ELAC2: variants seen among roughly 807,000 people sequenced by gnomAD.
The protein encoded by ELAC2 is elaC ribonuclease Z 2, also known as zinc phosphodiesterase ELAC protein 2.
A neutral mutation model predicts 105.2 loss-of-function variants in ELAC2; 92 were observed. That is an observed-to-expected ratio of 0.87 (90% CI 0.74 to 1.04). The LOEUF is 1.04. Among genes scored for constraint, ELAC2 ranks in the 50% least tolerant of loss-of-function variants. ELAC2 has a pLI of 0.00. For missense variants in ELAC2, 1,099 were observed against 1,071.7 expected (o/e 1.03, Z -0.36); for synonymous variants, 468 against 409.1 (o/e 1.14, Z -1.74).
Position 12,994,975 on chromosome 17 carries a change from A to G in ELAC2, c.1896T>C (p.Cys632=). The stretch of plus-strand genomic sequence containing the variant: ...CTGTGCCCCTTACCTCTTCCAAATC[A>G]CATGTTCGCAACAGCGAACTGATCA... ...ERLISSLLRT[C]DLEEFQTCLV... The change falls in exon 20 of 24, where the codon TGT becomes TGC. Residue 632 remains cysteine (C), a synonymous_variant. Transcript: ENST00000338034. 1.2e-6 allele frequency: 2 copies of G among 1,614,092 alleles called. No individual in the cohort carries two copies. The highest frequency in any genetic ancestry group is 1.7e-6 in the Non-Finnish European group (2 of 1,180,020).
rs1310688063 is a variant in ELAC2, at chr17:13,017,845, C to A, written c.103G>T (p.Asp35Tyr). The stretch of plus-strand genomic sequence containing the variant: ...CGCGTGCGCAGGTGCCGCAGCGGGT[C>A]CTTGCGCGGCCGCTCGCGGCGGGCG... ...APARRERPRK[D>Y]PLRHLRTREK... Residue 35 changes from aspartate (D) to tyrosine (Y), a missense_variant, in exon 1 of 24, where the codon GAC becomes TAC. Asp to Tyr is a radical substitution (Grantham distance 160). Coordinates refer to ENST00000338034, the MANE Select transcript of ELAC2 (RefSeq NM_018127.7). The A allele has an allele frequency of 6.4e-7, 1 of 1,574,096 alleles. No individual in the cohort carries two copies.
intron 8 of ELAC2, among the ~76,000 whole-genome samples, chr17:13,007,041 CG>C (rs1274490351): frequency 6.6e-6 from 1 of 150,532 alleles, no homozygotes; most frequent in African/African-American, 2.4e-5. Context: ...ACCCAGGAGG[CG>C]GAAGATTGCA....
At chr17:13,016,537 C>A (rs918956625) in intron 3 of ELAC2, among the ~76,000 whole-genome samples, 1 of 151,978 alleles carries the variant, frequency 6.6e-6, no homozygotes, top group Non-Finnish European at 1.5e-5. Flanking sequence ...GTAATCCCAG[C>A]ACTCTGGGAG....
chr17:13,008,447 G>A (rs1205280078), intron 8 of ELAC2, among the ~76,000 whole-genome samples: 3 of 152,090 alleles, frequency 2.0e-5, no homozygotes, highest in East Asian at 3.9e-4. Context: ...GGGAGGCAGA[G>A]GTTGCAGTGA....
chr17:13,017,978 G>C lies in ELAC2; in HGVS notation c.-31C>G. 2 of 1,534,454 alleles carry C rather than the reference G, an allele frequency of 1.3e-6. No homozygotes were observed. The highest frequency in any genetic ancestry group is 1.7e-6 in the Non-Finnish European group (2 of 1,146,570). The stretch of plus-strand genomic sequence containing the variant: ...CGTCTCCACCAAAACTGAGAAAGCC[G>C]CCGGTCACCTACGCCCGCGTTTCCC... On this transcript the variant is annotated 5_prime_UTR_variant, in exon 1 of 24. Transcript: ENST00000338034.
chr17:12,992,191 G>C lies in ELAC2; in HGVS notation c.*627C>G, dbSNP rs555568637. Among the ~76,000 whole-genome samples the C allele has an allele frequency of 6.6e-6, 1 of 152,084 alleles. No individual in the cohort carries two copies. Among genetic ancestry groups the C allele is most frequent in the South Asian group, 2.1e-4 (1 of 4,834 alleles). ...CCTGCTGTGAGCTGGCACAGCTCGAGTTGTCAAAAAGACTTGGCGAATAAG... is the reference window on the plus strand; with the variant it reads ...CCTGCTGTGAGCTGGCACAGCTCGACTTGTCAAAAAGACTTGGCGAATAAG... On this transcript the variant is annotated 3_prime_UTR_variant, in exon 24 of 24. Transcript: ENST00000338034.
chr17:12,998,469 G>T lies in ELAC2; in HGVS notation c.1463C>A (p.Thr488Lys). 6.2e-7 allele frequency: 1 copy of T among 1,614,206 alleles called. No homozygotes were observed. Reference protein sequence around the residue: ...SQYPEIIFLGTGSAIPMKIRN... With the variant: ...SQYPEIIFLGKGSAIPMKIRN... ...AATCTTCATCGGGATGGCAGACCCT[G>T]TTCCAAGGAAGATGATTTCTGGGTA... The change falls in exon 16 of 24, where the codon ACA becomes AAA. Residue 488 changes from threonine to lysine, a missense_variant. Coordinates refer to ENST00000338034, the MANE Select transcript of ELAC2 (RefSeq NM_018127.7).
rs567400150 is a variant in ELAC2 at position 13,002,194 on chromosome 17, G to C, written c.1304+80C>G. 4 of 1,478,038 alleles carry C rather than the reference G, an allele frequency of 2.7e-6. No individual in the cohort carries two copies. In the Admixed American group the frequency reaches 7.3e-5, roughly 27 times the overall value. The allele number at this position is 1,478,038 out of a possible 1,614,324, so 91.6% of individuals were successfully genotyped here. A position where few individuals can be genotyped will look rare whatever the true frequency, so the allele number is the denominator to read the frequency against. ...ACCATATGGTCTGGAGAGCCTCCTG[G>C]AACATTTACTATGTGGCTATTTACA... On this transcript the variant is annotated intron_variant, in intron 14 of 23. Coordinates refer to ENST00000338034, the MANE Select transcript of ELAC2 (RefSeq NM_018127.7).
At position 13,018,008 on chromosome 17, in the gene ELAC2, A is replaced by G; in HGVS notation, c.-61T>C. 1.3e-6 allele frequency: 2 copies of G among 1,533,090 alleles called. No homozygotes were observed. Among genetic ancestry groups the G allele is most frequent in the Non-Finnish European group, 1.7e-6 (2 of 1,146,360 alleles). The allele number at this position is 1,533,090 out of a possible 1,614,324, so 95.0% of individuals were successfully genotyped here. Reference sequence around the variant, plus strand: ...TCACCTACGCCCGCGTTTCCCGTGCACCACCTAGCCGCTCCGCATGGCGGA... The same window carrying G: ...TCACCTACGCCCGCGTTTCCCGTGCGCCACCTAGCCGCTCCGCATGGCGGA... On this transcript the variant is annotated 5_prime_UTR_variant, in exon 1 of 24. Transcript: ENST00000338034.
At chr17:13,009,000 G>A (rs1469521159) in intron 8 of ELAC2, among the ~76,000 whole-genome samples, 7 of 151,954 alleles carry the variant, frequency 4.6e-5, no homozygotes, top group Admixed American at 2.0e-4. Context: ...TACCTATTCC[G>A]GAAAGCAGGA....
At chr17:12,996,878 T>C (rs1353638496) in intron 16 of ELAC2, among the ~76,000 whole-genome samples, 193 bp from the exon 17 acceptor site, 1 of 150,572 alleles carries the variant, frequency 6.6e-6, no homozygotes, top group Non-Finnish European at 1.5e-5. Context: ...ATCCTCTTTA[T>C]AGCAAAGAAG....
At chr17:12,996,001 G>A (rs889196932) in intron 17 of ELAC2, 23 bp from the exon 18 acceptor site, 2 of 1,583,758 alleles carry the variant, frequency 1.3e-6, no homozygotes, top group South Asian at 1.2e-5. Context: ...CAGGAGACAT[G>A]CGTCAGCCAG....
At chr17:13,006,744 T>C (rs1344109813) in intron 8 of ELAC2, among the ~76,000 whole-genome samples, 1 of 152,178 alleles carries the variant, frequency 6.6e-6, no homozygotes, top group Non-Finnish European at 1.5e-5. Context: ...AACAAAAGCA[T>C]GGATGATTTT....
chr17:12,997,704 G>A (rs2040547643), intron 16 of ELAC2, among the ~76,000 whole-genome samples: 5 of 152,054 alleles, frequency 3.3e-5, no homozygotes, highest in African/African-American at 1.2e-4. Context: ...GCACTATTTG[G>A]TTGTTTATCA....
intron 22 of ELAC2, among the ~76,000 whole-genome samples, chr17:12,994,191 C>A (rs142064599): frequency 6.6e-6 from 1 of 152,174 alleles, no homozygotes; most frequent in African/African-American, 2.4e-5. Flanking sequence ...TTTATTCAGC[C>A]GATTTCTAGA....
At chr17:12,999,553 C>G (rs1338183679) in intron 15 of ELAC2, among the ~76,000 whole-genome samples, 1 of 152,258 alleles carries the variant, frequency 6.6e-6, no homozygotes, top group African/African-American at 2.4e-5. Context: ...CTGCTCAGAG[C>G]TCTTTCCACA....
At position 13,017,937 on chromosome 17, in the gene ELAC2, A is replaced by AGCGCCCACAT. The variant is rs2041844438; in HGVS notation, c.1_10dup (p.Leu4HisfsTer67). On this transcript the variant is annotated frameshift_variant, in exon 1 of 24. Coordinates refer to ENST00000338034, the MANE Select transcript of ELAC2 (RefSeq NM_018127.7). LOFTEE classifies it high-confidence loss of function. ...GGCCGCGGACCGCAGCAGCGAGCAA[A>AGCGCCCACAT]GCGCCCACATGCGCCCGTCTCCACC... 1 of 1,538,242 alleles carries AGCGCCCACAT rather than the reference A, an allele frequency of 6.5e-7. No individual in the cohort carries two copies. Among genetic ancestry groups the AGCGCCCACAT allele is most frequent in the Admixed American group, 2.0e-5 (1 of 51,006 alleles).
intron 14 of ELAC2, 61 bp from the exon 15 acceptor site, chr17:13,000,335 C>T (rs1029817912): frequency 6.9e-7 from 1 of 1,445,356 alleles, no homozygotes; most frequent in Non-Finnish European, 9.7e-7. Context: ...CAGCAGACCC[C>T]ATTGGGGATG....
intron 12 of ELAC2, 31 bp from the exon 13 acceptor site, chr17:13,002,610 G>T (rs544970541): frequency 6.3e-7 from 1 of 1,577,176 alleles, no homozygotes; most frequent in East Asian, 2.3e-5. Context: ...CATTTGCAGC[G>T]TCTGTTAGGA....
Sources: gnomAD v4.1 joint callset for allele counts (sites outside exome capture counted in the v4.1 genomes callset) on GRCh38, gnomAD v4.1.1 for gene constraint, MANE v1.5 for transcripts, NCBI Gene and HGNC (gene_info 2026-07-23, HGNC 2026-07-21) for gene names.